Variants in RTEL1 observed in about 807,000 individuals in gnomAD.
RTEL1 encodes the protein regulator of telomere length.
Under a neutral mutation model 162.2 loss-of-function variants are expected in RTEL1, and 86 were observed. The observed-to-expected ratio is 0.53, with a 90% confidence interval of 0.45 to 0.63. RTEL1 has a LOEUF of 0.63. RTEL1 is among the 30% of genes least tolerant of loss of function. The pLI is 0.00. For synonymous variants in RTEL1, 958 were observed against 717.9 expected (o/e 1.33, Z -5.35); for missense variants, 1,941 against 1,750.2 (o/e 1.11, Z -1.95).
At chr20:63,679,771 T>C in intron 12 of RTEL1, 78 bp from the exon 13 acceptor site, 1 of 1,123,624 alleles carries the variant, frequency 8.9e-7, no homozygotes, top group Non-Finnish European at 1.3e-6. Flanking sequence ...GGCCCGAGCC[T>C]GCCTTCTTCT....
At chr20:63,691,593 T>C in intron 27 of RTEL1, 149 bp from the exon 28 acceptor site, 1 of 640,230 alleles carries the variant, frequency 1.6e-6, no homozygotes. Context: ...GTTGTGGCAC[T>C]GTCACCGGGG....
At chr20:63,695,714 G>A in intron 34 of RTEL1, 64 bp downstream of exon 34, 1 of 1,605,170 alleles carries the variant, frequency 6.2e-7, no homozygotes, top group East Asian at 2.2e-5. Context: ...GAGGGGGAAA[G>A]GGCAGGCCCT....
rs2090057747 is a variant in RTEL1, at chr20:63,663,314, C to T, written c.538+425C>T. Among the ~76,000 whole-genome samples, 3 of 152,236 alleles carry T rather than the reference C, an allele frequency of 2.0e-5. No individual in the cohort carries two copies. The South Asian group carries it at 6.2e-4, about 32-fold the overall frequency. ...TGGGAGGGTGTCCTGGAAGCCGTGT[C>T]TGGCCTCCCGCGACCCTGCCCCGTG... On this transcript the variant is annotated intron_variant, in intron 6 of 34. Coordinates refer to ENST00000360203, the MANE Select transcript of RTEL1 (RefSeq NM_001283009.2).
At position 63,661,398 on chromosome 20, in the gene RTEL1, C is replaced by A. The variant is rs757196738; in HGVS notation, c.203C>A (p.Ser68Tyr). The change falls in exon 3 of 35, where the codon TCT becomes TAT. Residue 68 changes from serine (S) to tyrosine (Y), a missense_variant. Transcript: ENST00000360203. This position sits in a 1 kb window ranked among gnomAD's most constrained non-coding sequence, Gnocchi z 5.1. ...CGAGAACACCTCCGAGACGGCATCT[C>A]TGCCCGCAAGATTGCCGAGAGGGCG... ...AWREHLRDGI[S>Y]ARKIAERAQG... The A allele has an allele frequency of 6.2e-7, 1 of 1,614,018 alleles. No homozygotes were observed. Among genetic ancestry groups the A allele is most frequent in the South Asian group, 1.1e-5 (1 of 91,082 alleles).
At chr20:63,672,978 C>G (rs542978377) in intron 9 of RTEL1, among the ~76,000 whole-genome samples, 2 of 152,212 alleles carry the variant, frequency 1.3e-5, no homozygotes, top group East Asian at 1.9e-4. Context: ...TCTGCCCTTC[C>G]GGCCACATGG....
intron 6 of RTEL1, among the ~76,000 whole-genome samples, chr20:63,664,150 CCT>C (rs1473337653): frequency 2.0e-5 from 3 of 152,188 alleles, no homozygotes; most frequent in Non-Finnish European, 4.4e-5. Flanking sequence ...CCCCAGGTTC[CCT>C]GACAGGAGCT....
At chr20:63,691,193 C>G (rs1601174764) in intron 27 of RTEL1, among the ~76,000 whole-genome samples, 1 of 152,176 alleles carries the variant, frequency 6.6e-6, no homozygotes, top group East Asian at 1.9e-4. Flanking sequence ...CCCCCCACAT[C>G]ACTTTGGTTC....
At position 63,692,820 on chromosome 20, in the gene RTEL1, G is replaced by C; in HGVS notation, c.2668G>C (p.Gly890Arg). The part of the protein sequence containing the change: ...LVSHPEEPVA[G>R]AQTDRAKLFM... ...TGTCCTGCAGGAGGAGCCCGTGGCT[G>C]GTGCACAGACGGACAGGGCCAAGCT... Residue 890 changes from glycine (G) to arginine (R), a missense_variant, in exon 29 of 35, where the codon GGT becomes CGT. Physicochemically the swap from Gly to Arg is moderately radical, Grantham distance 125. Coordinates refer to ENST00000360203, the MANE Select transcript of RTEL1 (RefSeq NM_001283009.2). The C allele has an allele frequency of 1.2e-6, 2 of 1,611,688 alleles. No individual in the cohort carries two copies. Among genetic ancestry groups the C allele is most frequent in the Non-Finnish European group, 1.7e-6 (2 of 1,179,218 alleles).
At chr20:63,678,937 C>T (rs1483204690) in intron 12 of RTEL1, among the ~76,000 whole-genome samples, 5 of 152,108 alleles carry the variant, frequency 3.3e-5, no homozygotes, top group African/African-American at 4.8e-5. Context: ...CTCTCCCACG[C>T]GGGGCCGCTG....
chr20:63,662,395 GCTCC>G, intron 4 of RTEL1, 147 bp from the exon 5 acceptor site: 1 of 1,506,894 alleles, frequency 6.6e-7, no homozygotes, highest in East Asian at 2.5e-5. Flanking sequence ...TCGTCTTCTA[GCTCC>G]CTCCTACGCC....
chr20:63,686,357 C>T (rs149665601), intron 16 of RTEL1: 36 of 186,916 alleles, frequency 1.9e-4, no homozygotes, highest in Non-Finnish European at 3.1e-4. Context: ...GTGGCGTCTT[C>T]GAGTCGGTGC....
chr20:63,667,445 G>A (rs549695122), intron 7 of RTEL1, 24 bp from the exon 8 acceptor site: 2 of 1,595,664 alleles, frequency 1.3e-6, no homozygotes, highest in Admixed American at 1.7e-5. Flanking sequence ...GTGCTCACAG[G>A]ATCTTCTCCT....
Position 63,689,953 on chromosome 20 carries a change from C to T in RTEL1, c.2141+88C>T, listed in dbSNP as rs906055837. 5.3e-5 allele frequency: 83 copies of T among 1,553,046 alleles called. 1 individual carries two copies. In the South Asian group the frequency reaches 7.3e-4, roughly 14 times the overall value. Reference sequence around the variant, plus strand: ...GGACTCTCCTTCCCCACATGAGGCCCCGTCTCCTCCAGAGCCTCTCCGGCT... The same window carrying T: ...GGACTCTCCTTCCCCACATGAGGCCTCGTCTCCTCCAGAGCCTCTCCGGCT... On this transcript the variant is annotated intron_variant, in intron 24 of 34. Transcript: ENST00000360203.
chr20:63,670,816 CAAA>C (rs765965525), intron 8 of RTEL1, among the ~76,000 whole-genome samples: 117 of 134,140 alleles, frequency 8.7e-4, no homozygotes, highest in Middle Eastern at 3.5e-3. Context: ...GACCCCATCT[CAAA>C]AAAAAAAAAA....
In RTEL1 at chr20:63,690,421, G is replaced by C. The variant is rs1450471050; in HGVS notation, c.2393G>C (p.Ser798Thr). ...AAGAGTCTGGACCTGCATGTCCCCA[G>C]CCTGAAGCAGAGGTCCTCAGGTGCG... Reference protein sequence around the residue: ...KAKSLDLHVPSLKQRSSGSPA... With the variant: ...KAKSLDLHVPTLKQRSSGSPA... The change falls in exon 26 of 35, where the codon AGC (serine) becomes ACC (threonine). Residue 798 changes from serine (S) to threonine (T), a missense_variant. Physicochemically the swap from Ser to Thr is moderately conservative, Grantham distance 58 (BLOSUM62 1). Transcript: ENST00000360203. 6.4e-7 allele frequency: 1 copy of C among 1,569,026 alleles called. No individual in the cohort carries two copies. The highest frequency in any genetic ancestry group is 2.4e-5 in the East Asian group (1 of 41,590).
intron 2 of RTEL1, 32 bp downstream of exon 2, chr20:63,659,536 G>C: frequency 3.3e-6 from 5 of 1,517,680 alleles, no homozygotes; most frequent in Non-Finnish European, 3.7e-6. Context: ...AAGGACTGCG[G>C]GTGGGTGGAG....
intron 6 of RTEL1, 43 bp downstream of exon 6, chr20:63,662,932 G>A (rs530544593): frequency 1.3e-6 from 2 of 1,580,746 alleles, no homozygotes; most frequent in African/African-American, 2.7e-5. Flanking sequence ...TGGAGTGTGT[G>A]CAGCCTCTCA....
At chr20:63,687,328 C>T (rs552588123) in intron 16 of RTEL1, 55 of 319,382 alleles carry the variant, frequency 1.7e-4, no homozygotes, top group African/African-American at 9.6e-4. Flanking sequence ...TGCCCTGAGC[C>T]GCATGTCACA....
rs1345649526 is a variant in RTEL1 at position 63,688,600 on chromosome 20, T to C, written c.1795T>C (p.Ser599Pro). ...FVEPRSKGSF[S>P]ETISAYYARV... The stretch of plus-strand genomic sequence containing the variant: ...GGAGCCCAGGAGCAAAGGCAGCTTC[T>C]CCGAGGTCGGCACTTGGCCGGGGCT... The change falls in exon 21 of 35, where the codon TCC becomes CCC. Residue 599 changes from serine (S) to proline (P), a missense_variant. Transcript: ENST00000360203. The C allele has an allele frequency of 6.2e-7, 1 of 1,606,956 alleles. No homozygotes were observed. The highest frequency in any genetic ancestry group is 8.5e-7 in the Non-Finnish European group (1 of 1,178,236).
Sources: gnomAD v4.1 joint callset for allele counts (sites outside exome capture counted in the v4.1 genomes callset) on GRCh38, gnomAD v4.1.1 for gene constraint, Gnocchi (gnomAD v3.1) non-coding constraint, MANE v1.5 for transcripts, NCBI Gene and HGNC (gene_info 2026-07-23, HGNC 2026-07-21) for gene names.